Variants in GABRG3 observed in about 807,000 individuals in gnomAD.
The protein encoded by GABRG3 is gamma-aminobutyric acid type A receptor subunit gamma3.
In GABRG3, 25 loss-of-function variants were observed where a neutral mutation model predicts 48.8. The ratio of observed to expected loss-of-function variants is 0.51; its 90% CI spans 0.37 to 0.72. The LOEUF (loss-of-function observed/expected upper bound fraction) is 0.72, where lower values mean the gene tolerates loss of function less well. Ranked by LOEUF, GABRG3 falls within the 30% of genes least tolerant of loss-of-function variation. The pLI, the probability that GABRG3 is intolerant of heterozygous loss-of-function variation, is 0.00. For missense variants in GABRG3, 394 were observed against 577.9 expected, an observed-to-expected ratio of 0.68 and a Z score of 3.26; for synonymous variants, 227 against 217.6, an observed-to-expected ratio of 1.04 and a Z score of -0.38.
At chr15:27,041,947 G>C (rs1896283920) in intron 3 of GABRG3, among the ~76,000 whole-genome samples, 3 of 152,208 alleles carry the variant, frequency 2.0e-5, no homozygotes, top group South Asian at 4.1e-4. Flanking sequence ...TCTTCATGCA[G>C]ATGAAGGAAG....
chr15:27,408,327 T>A (rs1887699039), intron 5 of GABRG3, among the ~76,000 whole-genome samples: 1 of 152,164 alleles, frequency 6.6e-6, no homozygotes, highest in Non-Finnish European at 1.5e-5. Context: ...TATTGAATAT[T>A]AGTGATACAT....
intron 5 of GABRG3, among the ~76,000 whole-genome samples, chr15:27,445,969 A>C (rs866365627): frequency 3.9e-5 from 6 of 151,920 alleles, no homozygotes; most frequent in South Asian, 4.2e-4. Flanking sequence ...AAGAGGATTT[A>C]TTTGTGAACT....
At chr15:27,311,914 C>T (rs1417674496) in intron 3 of GABRG3, among the ~76,000 whole-genome samples, 3 of 151,724 alleles carry the variant, frequency 2.0e-5, no homozygotes, top group Non-Finnish European at 4.4e-5. Context: ...AATGTGCAGA[C>T]AACACAGAGA....
chr15:27,007,491 T>C (rs1454657042), intron 2 of GABRG3, among the ~76,000 whole-genome samples: 3 of 152,204 alleles, frequency 2.0e-5, no homozygotes, highest in Non-Finnish European at 2.9e-5. Flanking sequence ...GAAATCACCA[T>C]ACTACTTTCC....
At chr15:27,474,843 G>A (rs147954503) in intron 5 of GABRG3, among the ~76,000 whole-genome samples, 1 of 152,044 alleles carries the variant, frequency 6.6e-6, no homozygotes. Context: ...TTATAAAAAG[G>A]GTGGCTGGCT....
chr15:27,267,754 C>T (rs965550235), intron 3 of GABRG3, among the ~76,000 whole-genome samples: 5 of 152,036 alleles, frequency 3.3e-5, no homozygotes, highest in African/African-American at 1.2e-4. Flanking sequence ...TGAATTTTGA[C>T]AAATTATTTT....
intron 3 of GABRG3, among the ~76,000 whole-genome samples, chr15:27,186,411 G>T (rs1444614633): frequency 6.6e-6 from 1 of 152,118 alleles, no homozygotes; most frequent in African/African-American, 2.4e-5. Context: ...CAATCTAGGT[G>T]TTGATGGATA....
At chr15:27,422,601 C>T (rs1888158518) in intron 5 of GABRG3, among the ~76,000 whole-genome samples, 1 of 152,224 alleles carries the variant, frequency 6.6e-6, no homozygotes, top group African/African-American at 2.4e-5. Flanking sequence ...TGGGTTATCT[C>T]TCTGTCAACA....
chr15:27,081,481 C>A (rs1318140624), intron 3 of GABRG3, among the ~76,000 whole-genome samples: 1 of 151,906 alleles, frequency 6.6e-6, no homozygotes, highest in African/African-American at 2.4e-5. Flanking sequence ...CTCATTTATT[C>A]TTGAATAGAA....
intron 6 of GABRG3, among the ~76,000 whole-genome samples, chr15:27,500,339 C>T (rs1890590844): frequency 6.6e-6 from 1 of 152,172 alleles, no homozygotes; most frequent in Admixed American, 6.5e-5. Flanking sequence ...ACCCGACACA[C>T]AGCCCGAGGC....
intron 3 of GABRG3, among the ~76,000 whole-genome samples, chr15:27,105,384 A>G (rs1469469469): frequency 1.3e-5 from 2 of 152,202 alleles, no homozygotes; most frequent in African/African-American, 4.8e-5. Context: ...AGCAGATTTG[A>G]TCAGCCAATC....
chr15:27,395,642 C>G (rs1887276447), intron 5 of GABRG3, among the ~76,000 whole-genome samples: 1 of 152,092 alleles, frequency 6.6e-6, no homozygotes, highest in Non-Finnish European at 1.5e-5. Flanking sequence ...GTCTTTTCAA[C>G]AAATAGTCCT....
rs747331068 is a variant in GABRG3, at chr15:27,352,754, G to A, written c.574+23866G>A. ...GCTCAGTGTCTTCCCCATATGCCACGTTTCACGCAGATGCATGGGGTGATA... is the reference window on the plus strand; with the variant it reads ...GCTCAGTGTCTTCCCCATATGCCACATTTCACGCAGATGCATGGGGTGATA... On this transcript the variant is annotated intron_variant, in intron 5 of 9. Transcript: ENST00000615808. The surrounding 1 kb of genome is among the most constrained non-coding windows in gnomAD (Gnocchi z 4.0). Among the ~76,000 whole-genome samples, 17 of 152,114 alleles carry A rather than the reference G, an allele frequency of 1.1e-4. No homozygotes were observed. The highest frequency in any genetic ancestry group is 1.8e-4 in the Non-Finnish European group (12 of 68,028).
intron 4 of GABRG3, among the ~76,000 whole-genome samples, chr15:27,327,240 C>T (rs1199739471): frequency 2.0e-5 from 3 of 152,210 alleles, no homozygotes; most frequent in African/African-American, 7.2e-5. Flanking sequence ...TTCATTTCTT[C>T]AGAATCTATT....
chr15:27,517,082 C>T (rs950017725), intron 6 of GABRG3, among the ~76,000 whole-genome samples: 1 of 151,682 alleles, frequency 6.6e-6, no homozygotes, highest in Admixed American at 6.6e-5. Context: ...ACATCGTGCC[C>T]ACCTCCATGC....
intron 6 of GABRG3, among the ~76,000 whole-genome samples, chr15:27,496,173 C>A (rs1595792368): frequency 6.6e-6 from 1 of 152,276 alleles, no homozygotes; most frequent in East Asian, 1.9e-4. Context: ...CGCTCATGGC[C>A]ATCTGGCAGG....
intron 5 of GABRG3, among the ~76,000 whole-genome samples, chr15:27,408,723 C>T (rs903776738): frequency 2.6e-5 from 4 of 152,118 alleles, no homozygotes; most frequent in Non-Finnish European, 5.9e-5. Context: ...CTGCTGAGCC[C>T]TAATTGCCTT....
Position 27,495,440 on chromosome 15 carries a change from AAT to A in GABRG3, c.712+14656_712+14657del, listed in dbSNP as rs1415164975. Among the ~76,000 whole-genome samples, 3 of 152,188 alleles carry A rather than the reference AAT, an allele frequency of 2.0e-5. No individual in the cohort carries two copies. In the East Asian group the frequency reaches 5.8e-4, roughly 29 times the overall value. On this transcript the variant is annotated intron_variant, in intron 6 of 9. Transcript: ENST00000615808. ...ATGCTGTTGTGAACATGGGTATGCA[AAT>A]ATCTCTTTGAGATCCTGATTTGAGT... is the stretch of plus-strand genomic sequence containing the variant.
intron 3 of GABRG3, among the ~76,000 whole-genome samples, chr15:27,273,808 A>G (rs984588292): frequency 1.3e-5 from 2 of 152,178 alleles, no homozygotes; most frequent in African/African-American, 4.8e-5. Context: ...CTTATCTGGT[A>G]TATCTATTAT....
Sources: gnomAD v4.1 joint callset for allele counts (sites outside exome capture counted in the v4.1 genomes callset) on GRCh38, gnomAD v4.1.1 for gene constraint, Gnocchi (gnomAD v3.1) non-coding constraint, MANE v1.5 for transcripts, NCBI Gene and HGNC (gene_info 2026-07-23, HGNC 2026-07-21) for gene names.